The following GAB2 variants were observed in gnomAD, a reference collection of about 807,000 sequenced individuals.
GAB2 encodes GRB2 associated binding protein 2.
GAB2 carries 26 observed loss-of-function variants against 65.5 expected under a neutral mutation model. That is an observed-to-expected ratio of 0.40 (90% CI 0.29 to 0.55). GAB2 has a LOEUF of 0.55. GAB2 is among the 20% of genes least tolerant of loss of function. The pLI is 0.53. For synonymous variants in GAB2, 321 were observed against 329.6 expected, an observed-to-expected ratio of 0.97 and a Z score of 0.28; for missense variants, 884 against 875.8, an observed-to-expected ratio of 1.01 and a Z score of -0.12.
intron 1 of GAB2, among the ~76,000 whole-genome samples, chr11:78,298,694 T>C (rs1158643985): frequency 6.6e-6 from 1 of 152,206 alleles, no homozygotes; most frequent in African/African-American, 2.4e-5. Flanking sequence ...GACCTTGCTT[T>C]CATGTCCTTG....
At chr11:78,286,522 T>C (rs1266990599) in intron 1 of GAB2, among the ~76,000 whole-genome samples, 1 of 152,150 alleles carries the variant, frequency 6.6e-6, no homozygotes, top group Non-Finnish European at 1.5e-5. Flanking sequence ...TAAGGTCCAA[T>C]GTGGCCAAAA....
At chr11:78,240,132 G>A (rs1229249109) in intron 3 of GAB2, among the ~76,000 whole-genome samples, 1 of 152,146 alleles carries the variant, frequency 6.6e-6, no homozygotes, top group Non-Finnish European at 1.5e-5. Context: ...GCTCAGAACA[G>A]TCATGCCTCC....
intron 1 of GAB2, among the ~76,000 whole-genome samples, chr11:78,294,113 T>C (rs900295708): frequency 3.9e-5 from 6 of 152,042 alleles, no homozygotes; most frequent in African/African-American, 1.2e-4. Context: ...GTTCCCCTTT[T>C]TGTGTCCATG....
intron 1 of GAB2, among the ~76,000 whole-genome samples, chr11:78,320,840 G>A (rs960053070): frequency 3.3e-5 from 5 of 151,758 alleles, no homozygotes; most frequent in African/African-American, 1.2e-4. Flanking sequence ...CAAAGTGCTG[G>A]GGTTACAGGC....
intron 1 of GAB2, among the ~76,000 whole-genome samples, chr11:78,321,313 C>A (rs1396362712): frequency 6.6e-6 from 1 of 152,200 alleles, no homozygotes; most frequent in Non-Finnish European, 1.5e-5. Context: ...TTCTATCCAT[C>A]CCTGGCTGAT....
At chr11:78,299,695 G>C (rs1866939334) in intron 1 of GAB2, among the ~76,000 whole-genome samples, 1 of 152,196 alleles carries the variant, frequency 6.6e-6, no homozygotes, top group Admixed American at 6.5e-5. Flanking sequence ...ATGAGAAACA[G>C]AACCAAATTC....
intron 1 of GAB2, among the ~76,000 whole-genome samples, chr11:78,298,800 C>T (rs1174769111): frequency 6.6e-6 from 1 of 152,150 alleles, no homozygotes; most frequent in African/African-American, 2.4e-5. Flanking sequence ...ACAAATGATG[C>T]CCAGGAATAT....
intron 1 of GAB2, among the ~76,000 whole-genome samples, chr11:78,318,761 G>T (rs1855665902): frequency 6.6e-6 from 1 of 152,138 alleles, no homozygotes; most frequent in South Asian, 2.1e-4. Context: ...CTTAAAGGGA[G>T]GAAACTGGCA....
chr11:78,390,939 A>G (rs1567891), intron 1 of GAB2, among the ~76,000 whole-genome samples: 24,305 of 152,222 alleles, frequency 0.16, 2,592 homozygotes, highest in East Asian at 0.41. Flanking sequence ...CCCTGCCTTG[A>G]CCAAGTAAGA....
At chr11:78,293,821 G>A (rs956729196) in intron 1 of GAB2, among the ~76,000 whole-genome samples, 1 of 152,218 alleles carries the variant, frequency 6.6e-6, no homozygotes, top group African/African-American at 2.4e-5. Flanking sequence ...CCAACCGAGA[G>A]AGAGCAAGAG....
chr11:78,270,352 A>G (rs1865978509), intron 2 of GAB2, among the ~76,000 whole-genome samples: 2 of 151,092 alleles, frequency 1.3e-5, no homozygotes, highest in South Asian at 4.2e-4. Flanking sequence ...AAAAAAAAGA[A>G]TAGTCAGTTC....
chr11:78,370,044 T>C (rs968850156), intron 1 of GAB2, among the ~76,000 whole-genome samples: 1 of 150,978 alleles, frequency 6.6e-6, no homozygotes, highest in African/African-American at 2.4e-5. Context: ...GATCACGAGG[T>C]CAGGAGATCG....
At chr11:78,339,047 C>G (rs772999360) in intron 1 of GAB2, among the ~76,000 whole-genome samples, 2 of 152,010 alleles carry the variant, frequency 1.3e-5, no homozygotes, top group Admixed American at 6.5e-5. Context: ...GTCAACCTCC[C>G]GAGTAACTGG....
chr11:78,264,588 G>A (rs1865825857), intron 2 of GAB2, among the ~76,000 whole-genome samples: 1 of 148,506 alleles, frequency 6.7e-6, no homozygotes, highest in African/African-American at 2.5e-5. Context: ...TTTTTTTTTA[G>A]TAGTGTCGGG....
In GAB2 at chr11:78,415,648, T is replaced by C. The variant is rs533967965; in HGVS notation, c.75+1998A>G. ...AAAGCTGTTAAGGTCTGACACCTGA[T>C]GGGCTGAAGGTACATGGAAGATGGG... On this transcript the variant is annotated intron_variant, in intron 1 of 9. Coordinates refer to ENST00000361507, the MANE Select transcript of GAB2 (RefSeq NM_080491.3). Among the ~76,000 whole-genome samples, 9 of 152,316 alleles carry C rather than the reference T, an allele frequency of 5.9e-5. No homozygotes were observed. The South Asian group carries it at 1.9e-3, about 32-fold the overall frequency.
intron 2 of GAB2, among the ~76,000 whole-genome samples, chr11:78,259,113 G>T (rs1358428053): frequency 6.6e-6 from 1 of 152,120 alleles, no homozygotes; most frequent in African/African-American, 2.4e-5. Context: ...TTATAAGTGA[G>T]AACATGTGGT....
At chr11:78,384,756 A>G (rs572618441) in intron 1 of GAB2, among the ~76,000 whole-genome samples, 1 of 152,338 alleles carries the variant, frequency 6.6e-6, no homozygotes, top group East Asian at 1.9e-4. Context: ...ACAGGGTACT[A>G]CAAGAACAGC....
chr11:78,220,409 G>A lies in GAB2; in HGVS notation c.1797C>T (p.Gly599=). ...NPVSASPVPS[G]TNSPAPKKST... The stretch of plus-strand genomic sequence containing the variant: ...TCTTCTTAGGGGCAGGACTGTTCGT[G>A]CCACTGGGAACGGGAGATGCAGACA... The change falls in exon 9 of 10, where the codon GGC becomes GGT. Residue 599 remains glycine (G), a synonymous_variant. Transcript: ENST00000361507. 6.3e-7 allele frequency: 1 copy of A among 1,595,992 alleles called. No individual in the cohort carries two copies. Among genetic ancestry groups the A allele is most frequent in the Non-Finnish European group, 8.6e-7 (1 of 1,166,470 alleles).
At chr11:78,301,195 C>A (rs1292639576) in intron 1 of GAB2, among the ~76,000 whole-genome samples, 2 of 152,164 alleles carry the variant, frequency 1.3e-5, no homozygotes, top group African/African-American at 2.4e-5. Context: ...GACACATATA[C>A]ACACACATAA....
Sources: gnomAD v4.1 joint callset for allele counts (sites outside exome capture counted in the v4.1 genomes callset) on GRCh38, gnomAD v4.1.1 for gene constraint, MANE v1.5 for transcripts, NCBI Gene and HGNC (gene_info 2026-07-23, HGNC 2026-07-21) for gene names.